The following DLG2 variants were observed in gnomAD, a reference collection of about 807,000 sequenced individuals.
The protein encoded by DLG2 is disks large homolog 2.
A neutral mutation model predicts 132.5 loss-of-function variants in DLG2; 45 were observed. That is an observed-to-expected ratio of 0.34 (90% CI 0.27 to 0.44). The LOEUF (loss-of-function observed/expected upper bound fraction) is 0.44, where lower values mean the gene tolerates loss of function less well. DLG2 is among the 20% of genes least tolerant of loss of function. DLG2 has a pLI of 1.00. For synonymous variants in DLG2, 424 were observed against 419.6 expected, an observed-to-expected ratio of 1.01 and a Z score of -0.13; for missense variants, 1,045 against 1,196.9, an observed-to-expected ratio of 0.87 and a Z score of 1.87.
intron 3 of DLG2, among the ~76,000 whole-genome samples, chr11:85,570,647 T>C (rs554177211): frequency 6.6e-6 from 1 of 152,316 alleles, no homozygotes; most frequent in Admixed American, 6.5e-5. Flanking sequence ...TTTTCAATTA[T>C]TATTTCTTCA....
chr11:84,497,689 TA>T (rs2099188709), intron 7 of DLG2, among the ~76,000 whole-genome samples: 1 of 152,204 alleles, frequency 6.6e-6, no homozygotes, highest in African/African-American at 2.4e-5. Flanking sequence ...GGAATTCATA[TA>T]AAACATGTTT....
intron 12 of DLG2, among the ~76,000 whole-genome samples, chr11:83,980,106 G>T (rs1379554101): frequency 6.6e-6 from 1 of 152,138 alleles, no homozygotes; most frequent in East Asian, 1.9e-4. Flanking sequence ...ACCTCCCTGT[G>T]ACTGTATTTG....
chr11:84,097,991 G>C (rs2097188838), intron 10 of DLG2, among the ~76,000 whole-genome samples: 1 of 148,408 alleles, frequency 6.7e-6, no homozygotes, highest in Non-Finnish European at 1.5e-5. Context: ...TCACTGAGAA[G>C]TACCTGGCTG....
intron 15 of DLG2, among the ~76,000 whole-genome samples, chr11:83,874,895 T>C (rs2064372350): frequency 6.6e-6 from 1 of 152,142 alleles, no homozygotes; most frequent in Non-Finnish European, 1.5e-5. Flanking sequence ...TAACGATAGG[T>C]GAACATTAAA....
chr11:84,972,446 T>A (rs2054234951), intron 6 of DLG2, among the ~76,000 whole-genome samples: 1 of 152,252 alleles, frequency 6.6e-6, no homozygotes, highest in African/African-American at 2.4e-5. Context: ...TACAAGTTGT[T>A]TCTAAGTTTC....
intron 18 of DLG2, among the ~76,000 whole-genome samples, chr11:83,680,307 T>A (rs2078549324): frequency 2.0e-5 from 3 of 152,158 alleles, no homozygotes; most frequent in South Asian, 4.1e-4. Context: ...TTTTAAAAAA[T>A]TTAATGTACA....
rs374742830 is a variant in DLG2, at chr11:83,835,313, T to C, written c.1566-1543A>G. Among the ~76,000 whole-genome samples the C allele has an allele frequency of 1.4e-3, 213 of 152,288 alleles. 2 individuals are homozygous for C. The South Asian group carries it at 0.017, about 12-fold the overall frequency. Reference sequence around the variant, plus strand: ...ATAGATGCAATAAATAAGTTCATTATATAGCACGTTAGAAGGCAAAAAGTA... The same window carrying C: ...ATAGATGCAATAAATAAGTTCATTACATAGCACGTTAGAAGGCAAAAAGTA... On this transcript the variant is annotated intron_variant, in intron 16 of 27. Coordinates refer to ENST00000376104, the MANE Select transcript of DLG2 (RefSeq NM_001142699.3).
At chr11:83,807,820 A>T (rs2046300137) in intron 17 of DLG2, among the ~76,000 whole-genome samples, 1 of 152,168 alleles carries the variant, frequency 6.6e-6, no homozygotes, top group Non-Finnish European at 1.5e-5. Flanking sequence ...AAACTGAGGC[A>T]CAGAAAGATT....
At chr11:84,299,148 A>C (rs1392826771) in intron 7 of DLG2, among the ~76,000 whole-genome samples, 2 of 152,328 alleles carry the variant, frequency 1.3e-5, no homozygotes, top group African/African-American at 4.8e-5. Flanking sequence ...TGCTTAAAAC[A>C]TGTTTAATCC....
rs573735271 is a variant in DLG2 at position 84,035,457 on chromosome 11, T to C, written c.919+23858A>G. Among the ~76,000 whole-genome samples the C allele has an allele frequency of 3.9e-5, 6 of 152,260 alleles. No individual in the cohort carries two copies. The South Asian group carries it at 6.2e-4, about 16-fold the overall frequency. Reference sequence around the variant, plus strand: ...AAGAGAGAAAGCCACATGAAAAGTGTGTTACAGGCACAAAGAATAGCCAAC... The same window carrying C: ...AAGAGAGAAAGCCACATGAAAAGTGCGTTACAGGCACAAAGAATAGCCAAC... On this transcript the variant is annotated intron_variant, in intron 11 of 27. Transcript: ENST00000376104.
At chr11:84,757,655 T>C (rs141803488) in intron 6 of DLG2, among the ~76,000 whole-genome samples, 2 of 152,314 alleles carry the variant, frequency 1.3e-5, no homozygotes, top group East Asian at 3.9e-4. Context: ...CCTCTTTACA[T>C]GCATTATCTC....
At chr11:85,310,611 T>C (rs1184997365) in intron 3 of DLG2, among the ~76,000 whole-genome samples, 1 of 152,134 alleles carries the variant, frequency 6.6e-6, no homozygotes, top group Non-Finnish European at 1.5e-5. Context: ...ATCAGACTGG[T>C]GGGATAGCAA....
chr11:84,081,555 T>C (rs1192322887), intron 10 of DLG2, among the ~76,000 whole-genome samples: 1 of 152,238 alleles, frequency 6.6e-6, no homozygotes, highest in East Asian at 1.9e-4. Flanking sequence ...AATTCCCTCC[T>C]ATGAGTGAGA....
At chr11:84,125,349 A>C (rs192348829) in intron 9 of DLG2, among the ~76,000 whole-genome samples, 28 of 152,292 alleles carry the variant, frequency 1.8e-4, no homozygotes, top group African/African-American at 6.3e-4. Flanking sequence ...CATGGACCAT[A>C]ACAGAAGTTG....
chr11:85,448,309 T>C (rs2092097607), intron 3 of DLG2, among the ~76,000 whole-genome samples: 1 of 152,152 alleles, frequency 6.6e-6, no homozygotes, highest in South Asian at 2.1e-4. Context: ...AAACACTACA[T>C]TCAGTATTCT....
intron 3 of DLG2, among the ~76,000 whole-genome samples, chr11:85,561,506 T>G (rs1026603950): frequency 4.0e-5 from 6 of 151,618 alleles, no homozygotes; most frequent in African/African-American, 9.7e-5. Flanking sequence ...CTTAAGCAAC[T>G]GTTCATCAAT....
intron 17 of DLG2, among the ~76,000 whole-genome samples, chr11:83,788,179 G>A (rs1254717983): frequency 6.6e-6 from 1 of 152,182 alleles, no homozygotes; most frequent in Non-Finnish European, 1.5e-5. Context: ...ATTTGAGAAT[G>A]ACATTGGGTG....
intron 8 of DLG2, among the ~76,000 whole-genome samples, chr11:84,168,366 T>A (rs1394251467): frequency 6.6e-6 from 1 of 152,242 alleles, no homozygotes; most frequent in East Asian, 1.9e-4. Context: ...ATCCTTCTCC[T>A]TATTATAAGT....
intron 6 of DLG2, among the ~76,000 whole-genome samples, chr11:84,772,843 A>C (rs993136791): frequency 6.6e-6 from 1 of 152,168 alleles, no homozygotes; most frequent in African/African-American, 2.4e-5. Flanking sequence ...ATCAAATATT[A>C]TAAAGATCTA....
Sources: gnomAD v4.1 joint callset for allele counts (sites outside exome capture counted in the v4.1 genomes callset) on GRCh38, gnomAD v4.1.1 for gene constraint, MANE v1.5 for transcripts, NCBI Gene and HGNC (gene_info 2026-07-23, HGNC 2026-07-21) for gene names.